KCNMA1: variants seen among roughly 807,000 people sequenced by gnomAD.
KCNMA1 encodes the protein Calcium-activated potassium channel subunit alpha-1.
Under a neutral mutation model 140.0 loss-of-function variants are expected in KCNMA1, and 29 were observed. The observed-to-expected ratio is 0.21, with a 90% CI of 0.15 to 0.28. The LOEUF (loss-of-function observed/expected upper bound fraction) is 0.28. KCNMA1 is among the 10% of genes least tolerant of loss of function. KCNMA1 has a pLI of 1.00. For synonymous variants in KCNMA1, 612 were observed against 611.9 expected, an observed-to-expected ratio of 1.00 and a Z score of 0.00; for missense variants, 880 against 1,602.2, an observed-to-expected ratio of 0.55 and a Z score of 7.70.
chr10:77,160,830 C>T (rs192475080), intron 5 of KCNMA1, among the ~76,000 whole-genome samples: 9 of 152,322 alleles, frequency 5.9e-5, no homozygotes, highest in Admixed American at 5.9e-4. Flanking sequence ...ATTGAGGCCA[C>T]TCCTTCCATA....
chr10:77,048,834 C>T (rs1295674905), intron 14 of KCNMA1, among the ~76,000 whole-genome samples: 1 of 152,120 alleles, frequency 6.6e-6, no homozygotes, highest in African/African-American at 2.4e-5. Flanking sequence ...AATCTTGGCT[C>T]ACTGCAAGCT....
intron 5 of KCNMA1, among the ~76,000 whole-genome samples, chr10:77,148,897 G>C (rs7095155): frequency 0.48 from 72,563 of 151,642 alleles, 18,331 homozygotes; most frequent in African/African-American, 0.59. Flanking sequence ...TTTGAGAACA[G>C]GTACTTCTAC....
intron 1 of KCNMA1, among the ~76,000 whole-genome samples, chr10:77,502,348 C>T (rs1254848949): frequency 6.6e-6 from 1 of 152,128 alleles, no homozygotes; most frequent in Non-Finnish European, 1.5e-5. Context: ...GACGGAGGCC[C>T]GTACTCTTGA....
intron 2 of KCNMA1, chr10:77,350,826 T>C (rs916733629): frequency 7.9e-5 from 12 of 152,220 alleles, no homozygotes; most frequent in African/African-American, 2.9e-4. Flanking sequence ...CTGGTGATTA[T>C]GAGGACTTAG....
intron 1 of KCNMA1, among the ~76,000 whole-genome samples, chr10:77,506,642 AGG>A (rs2046105296): frequency 7.3e-6 from 1 of 137,022 alleles, no homozygotes; most frequent in African/African-American, 2.9e-5. Flanking sequence ...AGAGACAGAG[AGG>A]GAGAGAGAGA....
At chr10:77,225,791 C>T (rs960852411) in intron 3 of KCNMA1, among the ~76,000 whole-genome samples, 4 of 152,214 alleles carry the variant, frequency 2.6e-5, no homozygotes, top group East Asian at 1.9e-4. Context: ...AGGAGCGTGG[C>T]AACCTTCCTT....
At chr10:77,086,799 A>G (rs1325798135) in intron 10 of KCNMA1, among the ~76,000 whole-genome samples, 2 of 152,160 alleles carry the variant, frequency 1.3e-5, no homozygotes, top group Non-Finnish European at 2.9e-5. Context: ...TACCATGGTA[A>G]AAGAAAGAGG....
intron 9 of KCNMA1, among the ~76,000 whole-genome samples, chr10:77,100,723 G>T (rs1250454479): frequency 1.3e-5 from 2 of 152,194 alleles, no homozygotes; most frequent in Non-Finnish European, 2.9e-5. Context: ...ACAGAAAACA[G>T]GGGGCAACCT....
chr10:76,959,879 G>A (rs1312755324), intron 20 of KCNMA1, among the ~76,000 whole-genome samples: 1 of 152,162 alleles, frequency 6.6e-6, no homozygotes, highest in Non-Finnish European at 1.5e-5. Flanking sequence ...GGTAATTTCT[G>A]TTATTATCGG....
At chr10:77,296,762 T>G (rs981374403) in intron 2 of KCNMA1, among the ~76,000 whole-genome samples, 3 of 152,080 alleles carry the variant, frequency 2.0e-5, no homozygotes, top group Non-Finnish European at 4.4e-5. Context: ...CACTATGCTC[T>G]TCACAGAATG....
chr10:77,150,295 C>T (rs2098395224), intron 5 of KCNMA1, among the ~76,000 whole-genome samples: 1 of 152,180 alleles, frequency 6.6e-6, no homozygotes, highest in Non-Finnish European at 1.5e-5. Context: ...CCCTGTCTTC[C>T]TTCTTCTTCC....
intron 2 of KCNMA1, among the ~76,000 whole-genome samples, chr10:77,271,576 A>G (rs1375737098): frequency 6.6e-6 from 1 of 152,228 alleles, no homozygotes; most frequent in African/African-American, 2.4e-5. Context: ...GGATTGAGTA[A>G]GTTAATATGT....
At chr10:77,048,563 A>G (rs1224715707) in intron 14 of KCNMA1, among the ~76,000 whole-genome samples, 1 of 152,212 alleles carries the variant, frequency 6.6e-6, no homozygotes, top group Non-Finnish European at 1.5e-5. Context: ...TTTTACCTGA[A>G]TCTCCACTGC....
At chr10:77,339,825 G>A (rs1041222903) in intron 2 of KCNMA1, among the ~76,000 whole-genome samples, 28 of 152,208 alleles carry the variant, frequency 1.8e-4, no homozygotes, top group Non-Finnish European at 5.9e-5. Context: ...AAAGCAGGAG[G>A]GAACAGCTTA....
At chr10:77,220,538 A>T (rs2049260237) in intron 3 of KCNMA1, among the ~76,000 whole-genome samples, 1 of 152,316 alleles carries the variant, frequency 6.6e-6, no homozygotes, top group East Asian at 1.9e-4. Context: ...CTAGGAGAGC[A>T]GATAAGTGAT....
intron 2 of KCNMA1, among the ~76,000 whole-genome samples, chr10:77,255,037 C>T (rs1272611601): frequency 6.6e-6 from 1 of 152,178 alleles, no homozygotes; most frequent in Non-Finnish European, 1.5e-5. Flanking sequence ...AGAGCCTGTC[C>T]TGGTTGCTAA....
At chr10:77,172,205 G>C (rs1225876478) in intron 5 of KCNMA1, among the ~76,000 whole-genome samples, 4 of 152,158 alleles carry the variant, frequency 2.6e-5, no homozygotes, top group African/African-American at 9.7e-5. Flanking sequence ...TCCAGTCCTA[G>C]AGATTTAGGT....
chr10:77,524,270 C>A (rs1239899367), intron 1 of KCNMA1, among the ~76,000 whole-genome samples: 1 of 152,142 alleles, frequency 6.6e-6, no homozygotes, highest in Non-Finnish European at 1.5e-5. Context: ...TCTCCACTCA[C>A]AAAGGAAAGC....
chr10:77,333,601 C>T (rs2087564863), intron 2 of KCNMA1, among the ~76,000 whole-genome samples: 1 of 152,162 alleles, frequency 6.6e-6, no homozygotes. Flanking sequence ...CATTTTTAGG[C>T]CTCAACTCAT....
Sources: gnomAD v4.1 joint callset for allele counts (sites outside exome capture counted in the v4.1 genomes callset) on GRCh38, gnomAD v4.1.1 for gene constraint, MANE v1.5 for transcripts, NCBI Gene and HGNC (gene_info 2026-07-23, HGNC 2026-07-21) for gene names.